Variants in BRD10 observed in about 807,000 individuals in gnomAD.
BRD10 encodes bromodomain containing 10.
chr9:5,951,808 G>A, the BRD10 span, among the ~76,000 whole-genome samples: 9 of 152,184 alleles, frequency 5.9e-5, no homozygotes, highest in African/African-American at 1.7e-4. Context: ...GTGTGTATTT[G>A]AAGCAAATGA....
At chr9:5,941,103 T>C in the BRD10 span, among the ~76,000 whole-genome samples, 1 of 151,972 alleles carries the variant, frequency 6.6e-6, no homozygotes, top group Non-Finnish European at 1.5e-5. Flanking sequence ...ATTAAACAAA[T>C]ATGAGGGAAA....
the BRD10 span, chr9:5,922,399 T>C: frequency 1.9e-6 from 3 of 1,613,986 alleles, no homozygotes; most frequent in Non-Finnish European, 8.5e-7. Flanking sequence ...TCTTAACTGA[T>C]GGTGTTAATA....
chr9:5,959,185 A>G, the BRD10 span, among the ~76,000 whole-genome samples: 1 of 152,264 alleles, frequency 6.6e-6, no homozygotes. Context: ...GTGATAGAAA[A>G]GTCACATAAT....
At chr9:5,956,002 T>C in the BRD10 span, among the ~76,000 whole-genome samples, 1 of 152,114 alleles carries the variant, frequency 6.6e-6, no homozygotes, top group African/African-American at 2.4e-5. Context: ...TTTTTTAAAG[T>C]TCACAAGAAA....
At chr9:5,890,563 G>T in the BRD10 span, among the ~76,000 whole-genome samples, 1 of 152,122 alleles carries the variant, frequency 6.6e-6, no homozygotes, top group African/African-American at 2.4e-5. Flanking sequence ...CATCAATTAG[G>T]TTGGTGCAAA....
At chr9:5,934,531 A>C in the BRD10 span, among the ~76,000 whole-genome samples, 2 of 151,224 alleles carry the variant, frequency 1.3e-5, no homozygotes, top group African/African-American at 2.4e-5. Flanking sequence ...ACTAATTTTA[A>C]ATTTTTGTTT....
At chr9:5,983,755 C>A in the BRD10 span, among the ~76,000 whole-genome samples, 1 of 151,796 alleles carries the variant, frequency 6.6e-6, no homozygotes, top group East Asian at 1.9e-4. Flanking sequence ...AAGCTCACAC[C>A]AAATGCACAT....
chr9:5,998,210 T>G, the BRD10 span, among the ~76,000 whole-genome samples: 1 of 152,138 alleles, frequency 6.6e-6, no homozygotes, highest in Non-Finnish European at 1.5e-5. Context: ...ATTGGCCTCT[T>G]AACAGTAGGA....
the BRD10 span, chr9:5,922,507 T>C: frequency 1.2e-6 from 2 of 1,613,712 alleles, no homozygotes; most frequent in Non-Finnish European, 8.5e-7. Context: ...TATTTGGTAG[T>C]TGGGTAGAAA....
At chr9:5,921,137 G>A in the BRD10 span, 112 of 1,613,786 alleles carry the variant, frequency 6.9e-5, no homozygotes, top group Non-Finnish European at 9.0e-5. Flanking sequence ...ATTACCACTT[G>A]TTGACAATGG....
chr9:5,915,199 T>G, the BRD10 span, among the ~76,000 whole-genome samples: 1 of 152,146 alleles, frequency 6.6e-6, no homozygotes, highest in South Asian at 2.1e-4. Flanking sequence ...AGTTTCTGTC[T>G]CATCTCTAGC....
the BRD10 span, among the ~76,000 whole-genome samples, chr9:5,891,504 T>G: frequency 6.6e-6 from 1 of 152,178 alleles, no homozygotes; most frequent in Non-Finnish European, 1.5e-5. Flanking sequence ...CTCTTCTGTC[T>G]CACCTCTCCC....
At chr9:5,903,104 T>C in the BRD10 span, among the ~76,000 whole-genome samples, 6 of 143,850 alleles carry the variant, frequency 4.2e-5, no homozygotes, top group African/African-American at 1.5e-4. Flanking sequence ...TAGAAGTGTG[T>C]TGTTTAATCT....
the BRD10 span, among the ~76,000 whole-genome samples, chr9:5,969,753 C>G: frequency 2.6e-4 from 40 of 152,238 alleles, no homozygotes; most frequent in Admixed American, 2.1e-3. Context: ...ACCATGTTGG[C>G]CAGGCTGGTC....
chr9:5,966,085 T>C, the BRD10 span, among the ~76,000 whole-genome samples: 2 of 152,236 alleles, frequency 1.3e-5, no homozygotes, highest in Admixed American at 6.5e-5. Context: ...TCTGACTTCC[T>C]AAAATTTGCT....
chr9:5,921,920 G>T, the BRD10 span: 1 of 1,613,976 alleles, frequency 6.2e-7, no homozygotes, highest in Non-Finnish European at 8.5e-7. Context: ...GGCAAAGCTA[G>T]CTGGAATGGA....
At chr9:5,934,191 T>C in the BRD10 span, among the ~76,000 whole-genome samples, 1 of 151,852 alleles carries the variant, frequency 6.6e-6, no homozygotes, top group Non-Finnish European at 1.5e-5. Flanking sequence ...ACAAAACATA[T>C]ACAACAAAAG....
the BRD10 span, among the ~76,000 whole-genome samples, chr9:5,884,476 C>G: frequency 6.6e-6 from 1 of 152,278 alleles, no homozygotes; most frequent in East Asian, 1.9e-4. Context: ...GGTCTGGGGC[C>G]CTGAGCCCTA....
chr9:5,998,594 T>C, the BRD10 span, among the ~76,000 whole-genome samples: 1 of 152,078 alleles, frequency 6.6e-6, no homozygotes, highest in African/African-American at 2.4e-5. Context: ...AAGTGCTATA[T>C]AGCAAACTCA....
Sources: gnomAD v4.1 joint callset for allele counts (sites outside exome capture counted in the v4.1 genomes callset) on GRCh38, gnomAD v4.1.1 for gene constraint, MANE v1.5 for transcripts, NCBI Gene and HGNC (gene_info 2026-07-23, HGNC 2026-07-21) for gene names.